Variants in WDPCP observed in about 807,000 individuals in gnomAD.
WDPCP encodes the protein WD repeat-containing and planar cell polarity effector protein fritz homolog.
WDPCP carries 71 observed loss-of-function variants against 93.1 expected under a neutral mutation model. The observed-to-expected ratio is 0.76, with a 90% CI of 0.63 to 0.93. The LOEUF (loss-of-function observed/expected upper bound fraction) is 0.93. Ranked by LOEUF, WDPCP falls within the 40% of genes least tolerant of loss-of-function variation. The pLI is 0.00. For missense variants in WDPCP, 844 were observed against 887.4 expected (o/e 0.95, Z 0.62); for synonymous variants, 315 against 315.0 (o/e 1.00, Z 0.00).
chr2:63,658,182 C>T (rs557055936), intron 2 of WDPCP, among the ~76,000 whole-genome samples: 1 of 152,102 alleles, frequency 6.6e-6, no homozygotes, highest in African/African-American at 2.4e-5. Context: ...GATTCTGATT[C>T]TTGGTTTTAA....
Position 63,479,085 on chromosome 2 carries a change from T to C in WDPCP, c.384+5519A>G, listed in dbSNP as rs536078096. ...CTTTATGCCCATAAACTAGAAAACC[T>C]AGAAGAGACGGATAAATTCCTGGAA... On this transcript the variant is annotated intron_variant, in intron 6 of 17. Coordinates refer to ENST00000272321, the MANE Select transcript of WDPCP (RefSeq NM_015910.7). 2.4e-4 allele frequency among the ~76,000 whole-genome samples: 36 copies of C among 149,968 alleles called. No homozygotes were observed. The East Asian group carries it at 6.3e-3, about 26-fold the overall frequency.
chr2:63,659,111 G>A (rs1407203676), intron 2 of WDPCP, among the ~76,000 whole-genome samples: 5 of 152,170 alleles, frequency 3.3e-5, no homozygotes, highest in African/African-American at 2.4e-5. Context: ...AAGAGATGGG[G>A]TAAATATAGC....
chr2:63,326,656 G>A (rs1005458724), intron 12 of WDPCP, among the ~76,000 whole-genome samples: 4 of 139,438 alleles, frequency 2.9e-5, no homozygotes, highest in African/African-American at 1.2e-4. Context: ...GAGAGGAAGT[G>A]ACAGAGAGAC....
In WDPCP at chr2:63,687,691, C is replaced by T. The variant is rs575920754; in HGVS notation, n.309-36853G>A. Among the ~76,000 whole-genome samples, 12 of 152,138 alleles carry T rather than the reference C, an allele frequency of 7.9e-5. No individual in the cohort carries two copies. The South Asian group carries it at 2.5e-3, about 32-fold the overall frequency. Reference sequence around the variant, plus strand: ...TCCAAAAGACAGGCAATAAGAAATGCTGATGAGAATGTGGAGAAAAAAGAA... The same window carrying T: ...TCCAAAAGACAGGCAATAAGAAATGTTGATGAGAATGTGGAGAAAAAAGAA... On this transcript the variant is annotated intron_variant and non_coding_transcript_variant, in intron 2 of 4. Coordinates refer to the WDPCP transcript ENST00000467687.
At position 63,500,006 on chromosome 2, in the gene WDPCP, C is replaced by T. The variant is rs981789342; in HGVS notation, c.76-7066G>A. ...TTCTTCTTAAACTGTGATTCAACTTCTTCATCCTGTCAAAGGACCCATGAA... is the reference window on the plus strand; with the variant it reads ...TTCTTCTTAAACTGTGATTCAACTTTTTCATCCTGTCAAAGGACCCATGAA... On this transcript the variant is annotated intron_variant, in intron 1 of 17. Transcript: ENST00000272321. Among the ~76,000 whole-genome samples the T allele has an allele frequency of 2.0e-5, 3 of 152,314 alleles. No homozygotes were observed. The South Asian group carries it at 6.2e-4, about 32-fold the overall frequency.
rs552167607 is a variant in WDPCP, at chr2:63,254,564, A to G, written c.1915+4743T>C. ...TAATTATATATTAATATGCAGTTCT[A>G]AGAAATAATGGAGAAGTCCCATGTC... On this transcript the variant is annotated intron_variant, in intron 14 of 17. Coordinates refer to ENST00000272321, the MANE Select transcript of WDPCP (RefSeq NM_015910.7). Among the ~76,000 whole-genome samples, 25 of 152,268 alleles carry G rather than the reference A, an allele frequency of 1.6e-4. 1 individual carries two copies. In the South Asian group the frequency reaches 3.5e-3, roughly 21 times the overall value.
intron 1 of WDPCP, among the ~76,000 whole-genome samples, chr2:63,576,636 C>T (rs965157397): frequency 2.6e-5 from 4 of 152,138 alleles, no homozygotes; most frequent in Non-Finnish European, 4.4e-5. Flanking sequence ...AGAATCTATC[C>T]AACCTTCAGC....
At chr2:63,671,824 A>G (rs1341859070) in intron 2 of WDPCP, among the ~76,000 whole-genome samples, 2 of 152,144 alleles carry the variant, frequency 1.3e-5, no homozygotes, top group African/African-American at 4.8e-5. Context: ...TATACAATGC[A>G]AGGCCTAAAT....
chr2:63,540,395 C>T (rs1175249616), intron 1 of WDPCP, among the ~76,000 whole-genome samples: 1 of 152,142 alleles, frequency 6.6e-6, no homozygotes, highest in Non-Finnish European at 1.5e-5. Flanking sequence ...ACTGTTCAAA[C>T]AGAGCAGCTT....
At chr2:63,604,985 A>G (rs1462961268) in intron 3 of WDPCP, 1 of 1,036,044 alleles carries the variant, frequency 9.7e-7, no homozygotes, top group South Asian at 1.6e-5. Context: ...TGATGACTGC[A>G]TACTTTCGGG....
In WDPCP at chr2:63,420,979, T is replaced by C. The variant is rs539561494; in HGVS notation, c.825+12766A>G. 4.6e-5 allele frequency among the ~76,000 whole-genome samples: 7 copies of C among 152,320 alleles called. No individual in the cohort carries two copies. In the East Asian group the frequency reaches 1.4e-3, roughly 29 times the overall value. On this transcript the variant is annotated intron_variant, in intron 9 of 17. Coordinates refer to ENST00000272321, the MANE Select transcript of WDPCP (RefSeq NM_015910.7). ...GTGCACATGGGCCAGTTTTTCTTAG[T>C]GTAGGACACTCACCTTCAATTATAT...
At chr2:63,301,857 G>A (rs1014413472) in intron 13 of WDPCP, among the ~76,000 whole-genome samples, 2 of 151,328 alleles carry the variant, frequency 1.3e-5, no homozygotes, top group Non-Finnish European at 2.9e-5. Context: ...CCCTTGGAGT[G>A]CATTCTGAAG....
At chr2:63,597,686 C>G (rs968789908) in intron 3 of WDPCP, 1 of 961,962 alleles carries the variant, frequency 1.0e-6, no homozygotes, top group Non-Finnish European at 1.4e-6. Context: ...TCTGTACAAT[C>G]ATCAGTAAAT....
At chr2:63,747,327 T>A (rs1204252009) in intron 2 of WDPCP, among the ~76,000 whole-genome samples, 24 of 152,166 alleles carry the variant, frequency 1.6e-4, no homozygotes, top group Non-Finnish European at 3.5e-4. Context: ...TTCACCTGTT[T>A]GTCTTTTTGT....
intron 17 of WDPCP, among the ~76,000 whole-genome samples, chr2:63,123,780 T>G (rs1669703267): frequency 6.6e-6 from 1 of 151,884 alleles, no homozygotes; most frequent in Non-Finnish European, 1.5e-5. Flanking sequence ...GTCCTACTAG[T>G]TATACAAAAC....
At chr2:63,714,274 G>A (rs903421353) in intron 2 of WDPCP, among the ~76,000 whole-genome samples, 2 of 151,700 alleles carry the variant, frequency 1.3e-5, no homozygotes, top group African/African-American at 4.8e-5. Flanking sequence ...TGGCCAGCTG[G>A]TCAGGCTGGT....
chr2:63,684,285 GC>G, intron 2 of WDPCP: 1 of 572,748 alleles, frequency 1.7e-6, no homozygotes, highest in Admixed American at 2.4e-5. Flanking sequence ...TTTGCTGTAG[GC>G]CCAAGTGGTT....
intron 1 of WDPCP, among the ~76,000 whole-genome samples, chr2:63,579,019 T>C (rs1216331362): frequency 6.6e-6 from 1 of 152,182 alleles, no homozygotes; most frequent in Non-Finnish European, 1.5e-5. Flanking sequence ...CCTTACACTA[T>C]AGCATCCTAT....
intron 2 of WDPCP, among the ~76,000 whole-genome samples, chr2:63,807,552 GC>G (rs748663396): frequency 2.6e-5 from 4 of 152,170 alleles, no homozygotes; most frequent in Non-Finnish European, 4.4e-5. Context: ...AAATTACCCA[GC>G]CTCAGGTATT....
Sources: allele counts gnomAD v4.1 joint callset (sites outside exome capture counted in the v4.1 genomes callset), GRCh38; gene constraint gnomAD v4.1.1; transcripts MANE v1.5; gene names NCBI Gene and HGNC (gene_info 2026-07-23, HGNC 2026-07-21).